Variants in B4GALT5 observed in about 807,000 individuals in gnomAD.
The protein encoded by B4GALT5 is UDP-Gal:beta-GlcNAc beta-1,4-galactosyltransferase 5.
A neutral mutation model predicts 45.0 loss-of-function variants in B4GALT5; 11 were observed. The ratio of observed to expected loss-of-function variants is 0.24; its 90% CI spans 0.15 to 0.40. B4GALT5 has a LOEUF of 0.40. B4GALT5 is among the 10% of genes least tolerant of loss of function. The pLI, the probability that B4GALT5 is intolerant of heterozygous loss-of-function variation, is 1.00. For synonymous variants in B4GALT5, 185 were observed against 182.9 expected (o/e 1.01, Z -0.09); for missense variants, 337 against 500.2 (o/e 0.67, Z 3.11).
intron 1 of B4GALT5, among the ~76,000 whole-genome samples, chr20:49,697,297 C>G (rs2085843254): frequency 6.6e-6 from 1 of 152,274 alleles, no homozygotes; most frequent in African/African-American, 2.4e-5. Context: ...TCCTCAAGCG[C>G]AGCGGCGCCT....
At chr20:49,689,311 T>C (rs998105559) in intron 1 of B4GALT5, among the ~76,000 whole-genome samples, 1 of 152,170 alleles carries the variant, frequency 6.6e-6, no homozygotes, top group Non-Finnish European at 1.5e-5. Flanking sequence ...ATGAAGAACC[T>C]GATAATTCTT....
intron 1 of B4GALT5, among the ~76,000 whole-genome samples, chr20:49,708,005 G>C (rs545056398): frequency 6.7e-6 from 1 of 148,284 alleles, no homozygotes; most frequent in Non-Finnish European, 1.5e-5. Flanking sequence ...TTTGGTGGGC[G>C]TATCATCTGA....
intron 3 of B4GALT5, 137 bp from the exon 4 acceptor site, chr20:49,643,787 G>T: frequency 2.4e-6 from 2 of 848,938 alleles, no homozygotes; most frequent in Non-Finnish European, 3.5e-6. Flanking sequence ...CCCTTCCTCT[G>T]CTTTCCATCT....
At chr20:49,658,834 T>C (rs1435416269) in intron 1 of B4GALT5, among the ~76,000 whole-genome samples, 3 of 152,232 alleles carry the variant, frequency 2.0e-5, no homozygotes, top group Non-Finnish European at 4.4e-5. Context: ...AGGACCACAC[T>C]TCTATAACCA....
intron 1 of B4GALT5, among the ~76,000 whole-genome samples, chr20:49,660,998 G>T (rs532296836): frequency 6.6e-6 from 1 of 152,232 alleles, no homozygotes; most frequent in South Asian, 2.1e-4. Flanking sequence ...AATAAACTTA[G>T]GCCATGGCTC....
At chr20:49,655,744 C>T (rs2085639935) in intron 2 of B4GALT5, among the ~76,000 whole-genome samples, 1 of 151,852 alleles carries the variant, frequency 6.6e-6, no homozygotes. Flanking sequence ...ACATGGCCAA[C>T]ATGGTGAAAC....
intron 1 of B4GALT5, among the ~76,000 whole-genome samples, chr20:49,699,260 T>C (rs1474988225): frequency 6.7e-6 from 1 of 148,640 alleles, no homozygotes; most frequent in African/African-American, 2.5e-5. Flanking sequence ...AAACCATTAA[T>C]ACATTCATGA....
intron 1 of B4GALT5, among the ~76,000 whole-genome samples, chr20:49,710,185 C>T (rs944680924): frequency 5.9e-5 from 9 of 152,066 alleles, no homozygotes; most frequent in South Asian, 2.1e-4. Flanking sequence ...ACAATGTAGC[C>T]ACAGGGTATA....
intron 1 of B4GALT5, among the ~76,000 whole-genome samples, chr20:49,691,885 C>T (rs968910653): frequency 1.3e-5 from 2 of 152,116 alleles, no homozygotes; most frequent in Admixed American, 6.6e-5. Context: ...AAACAAAACC[C>T]TAGGCAGTGA....
chr20:49,638,398 A>C (rs183081771), intron 7 of B4GALT5, among the ~76,000 whole-genome samples: 407 of 152,346 alleles, frequency 2.7e-3, no homozygotes, highest in Non-Finnish European at 2.5e-3. Flanking sequence ...GCTACAAAGG[A>C]AACAGATACC....
At chr20:49,687,595 G>C (rs545008566) in intron 1 of B4GALT5, among the ~76,000 whole-genome samples, 1 of 152,108 alleles carries the variant, frequency 6.6e-6, no homozygotes, top group South Asian at 2.1e-4. Context: ...AGTGAGCCAA[G>C]ATTGCACCAC....
At chr20:49,688,236 C>G (rs997270969) in intron 1 of B4GALT5, among the ~76,000 whole-genome samples, 1 of 152,214 alleles carries the variant, frequency 6.6e-6, no homozygotes, top group Non-Finnish European at 1.5e-5. Flanking sequence ...CAAAGATGCA[C>G]AGGTCAGAAG....
rs757464538 is a variant in B4GALT5, at chr20:49,636,281, G to A, written c.*31C>T. The A allele has an allele frequency of 1.6e-5, 25 of 1,611,094 alleles. No individual in the cohort carries two copies. The highest frequency in any genetic ancestry group is 1.7e-4 in the Middle Eastern group (1 of 6,044). The stretch of plus-strand genomic sequence containing the variant: ...CTCATCGGACTGCTTTCTTGGTGGC[G>A]GTGGGTAAAGCAAACGTACATTCTC... On this transcript the variant is annotated 3_prime_UTR_variant, in exon 9 of 9. Transcript: ENST00000371711.
chr20:49,673,200 T>G (rs2085723243), intron 1 of B4GALT5, among the ~76,000 whole-genome samples: 3 of 152,058 alleles, frequency 2.0e-5, no homozygotes, highest in South Asian at 2.1e-4. Flanking sequence ...GCCAACATGG[T>G]GAAACCCCAT....
chr20:49,663,690 A>AAAAAAAAAAAATATATATATATATAT (rs1555812124), intron 1 of B4GALT5, among the ~76,000 whole-genome samples: 1 of 96,962 alleles, frequency 1.0e-5, no homozygotes, highest in African/African-American at 4.5e-5. Context: ...AAAAAAAAAA[A>AAAAAAAAAAAATATATATATATATAT]ATATATACAT....
rs759280958 is a variant in B4GALT5, at chr20:49,713,621, G to A, written c.70C>T (p.Leu24Phe). 11 of 1,588,798 alleles carry A rather than the reference G, an allele frequency of 6.9e-6. No individual in the cohort carries two copies. The highest frequency in any genetic ancestry group is 1.8e-5 in the Admixed American group (1 of 56,342). The change falls in exon 1 of 9, where the codon CTC (leucine) becomes TTC (phenylalanine). Residue 24 changes from leucine to phenylalanine, a missense_variant. Leu to Phe is a conservative substitution (Grantham distance 22). This residue lies in a region of B4GALT5 where 174 missense variants were observed against 207.4 expected (regional missense o/e 0.84). Coordinates refer to ENST00000371711, the MANE Select transcript of B4GALT5 (RefSeq NM_004776.4). ...SLLAALFFFS[L>F]SSSLLYFVYV... ...ACGAAGTACAGCAGCGAGGACGAGA[G>A]AGAAAAGAAGAAGAGCGCGGCGAGC...
chr20:49,640,462 A>G lies in B4GALT5; in HGVS notation c.794+16T>C. ...TTCAGATTTAACCTCTTTAATTAAG[A>G]AGAAATGATACTCACAGATACATAT... is the stretch of plus-strand genomic sequence containing the variant. On this transcript the variant is annotated intron_variant, in intron 6 of 8. Transcript: ENST00000371711. The G allele has an allele frequency of 6.4e-7, 1 of 1,552,662 alleles. No homozygotes were observed. Among genetic ancestry groups the G allele is most frequent in the Non-Finnish European group, 8.7e-7 (1 of 1,152,950 alleles).
chr20:49,647,505 C>T (rs2085604202), intron 2 of B4GALT5, among the ~76,000 whole-genome samples: 1 of 152,148 alleles, frequency 6.6e-6, no homozygotes, highest in Admixed American at 6.5e-5. Flanking sequence ...ACCTACCGAC[C>T]TCCCACTTAT....
At chr20:49,713,390 C>A (rs1472561156) in intron 1 of B4GALT5, among the ~76,000 whole-genome samples, 186 bp downstream of exon 1, 1 of 151,376 alleles carries the variant, frequency 6.6e-6, no homozygotes, top group African/African-American at 2.4e-5. Context: ...GGATCCCGGG[C>A]GCCTGTTGGG....
Sources: allele counts gnomAD v4.1 joint callset (sites outside exome capture counted in the v4.1 genomes callset), GRCh38; gene constraint gnomAD v4.1.1; regional missense constraint gnomAD v4.1.1; transcripts MANE v1.5; gene names NCBI Gene and HGNC (gene_info 2026-07-23, HGNC 2026-07-21).